RANBP17: variants seen among roughly 807,000 people sequenced by gnomAD.
The protein encoded by RANBP17 is ran-binding protein 17.
RANBP17 carries 158 observed loss-of-function variants against 141.2 expected under a neutral mutation model. The observed-to-expected ratio is 1.12, with a 90% CI of 0.98 to 1.28. The LOEUF is 1.28. Ranked by LOEUF, RANBP17 falls within the 50% of genes most tolerant of loss-of-function variation. The pLI is 0.00. For synonymous variants in RANBP17, 430 were observed against 450.0 expected, an observed-to-expected ratio of 0.96 and a Z score of 0.56; for missense variants, 1,438 against 1,290.7, an observed-to-expected ratio of 1.11 and a Z score of -1.75.
chr5:171,027,102 A>G (rs1471524457), intron 14 of RANBP17, among the ~76,000 whole-genome samples: 1 of 152,168 alleles, frequency 6.6e-6, no homozygotes, highest in Non-Finnish European at 1.5e-5. Context: ...GTCCAGGGAA[A>G]AATTTGGTCC....
intron 14 of RANBP17, chr5:171,143,528 C>T (rs1217487127): frequency 6.6e-6 from 1 of 152,078 alleles, no homozygotes; most frequent in African/African-American, 2.4e-5. Context: ...TCACCATTTC[C>T]TGATTTTACA....
intron 24 of RANBP17, 87 bp downstream of exon 24, chr5:171,242,907 A>C (rs1219522880): frequency 8.2e-7 from 1 of 1,218,898 alleles, no homozygotes; most frequent in African/African-American, 1.5e-5. Context: ...ATCATCCTAC[A>C]AAGGGGGAAA....
intron 4 of RANBP17, among the ~76,000 whole-genome samples, chr5:170,893,610 G>T (rs985893868): frequency 6.6e-6 from 1 of 151,918 alleles, no homozygotes; most frequent in African/African-American, 2.4e-5. Flanking sequence ...TGGCTAACAC[G>T]GTGAAACCCT....
chr5:171,017,680 A>G (rs1209948445), intron 14 of RANBP17, among the ~76,000 whole-genome samples: 4 of 152,190 alleles, frequency 2.6e-5, no homozygotes, highest in Non-Finnish European at 5.9e-5. Context: ...ATAGAACACA[A>G]AAATTTTCTC....
intron 8 of RANBP17, among the ~76,000 whole-genome samples, chr5:170,915,010 A>T (rs1324775536): frequency 6.6e-6 from 1 of 152,100 alleles, no homozygotes; most frequent in Non-Finnish European, 1.5e-5. Context: ...TGTCCTTTTT[A>T]AAAAAACATG....
intron 14 of RANBP17, among the ~76,000 whole-genome samples, chr5:171,000,461 G>A (rs563974733): frequency 3.3e-5 from 5 of 152,160 alleles, no homozygotes; most frequent in African/African-American, 9.7e-5. Context: ...CAAAAAAAAT[G>A]ATGTAGCTAT....
chr5:171,213,592 T>G (rs1440308529), intron 20 of RANBP17, 39 bp from the exon 21 acceptor site: 1 of 1,432,192 alleles, frequency 7.0e-7, no homozygotes, highest in East Asian at 2.3e-5. Flanking sequence ...AAACAGTATT[T>G]CTTTAGACCC....
intron 14 of RANBP17, among the ~76,000 whole-genome samples, chr5:171,097,916 T>C (rs888853558): frequency 1.3e-5 from 2 of 152,058 alleles, no homozygotes; most frequent in Non-Finnish European, 2.9e-5. Context: ...GTTAGTTTGC[T>C]GAGAATGATG....
At chr5:171,136,669 T>C (rs1395438277) in intron 14 of RANBP17, among the ~76,000 whole-genome samples, 1 of 152,222 alleles carries the variant, frequency 6.6e-6, no homozygotes, top group Non-Finnish European at 1.5e-5. Flanking sequence ...TATAGTCTTA[T>C]GAACTGGAGC....
At chr5:171,089,298 A>T (rs898597942) in intron 14 of RANBP17, among the ~76,000 whole-genome samples, 1 of 104,900 alleles carries the variant, frequency 9.5e-6, no homozygotes, top group African/African-American at 3.0e-5. Flanking sequence ...GACCCACTTG[A>T]GGAGGCAGTC....
chr5:171,001,888 G>A (rs1779222917), intron 14 of RANBP17, among the ~76,000 whole-genome samples: 1 of 152,102 alleles, frequency 6.6e-6, no homozygotes, highest in Non-Finnish European at 1.5e-5. Context: ...TATGGGAAAG[G>A]CCTCTACCCA....
intron 5 of RANBP17, among the ~76,000 whole-genome samples, chr5:170,901,437 T>C (rs2127403375): frequency 6.6e-6 from 1 of 152,344 alleles, no homozygotes; most frequent in Middle Eastern, 3.4e-3. Flanking sequence ...ATGGGTCTCC[T>C]GAATACAGCA....
intron 14 of RANBP17, among the ~76,000 whole-genome samples, chr5:171,094,191 A>G (rs1443218685): frequency 1.3e-5 from 2 of 152,182 alleles, no homozygotes; most frequent in Non-Finnish European, 1.5e-5. Context: ...TTTTTTATTC[A>G]ATGGAAGATA....
In RANBP17 at chr5:171,169,588, A is replaced by G. The variant is rs1394603181; in HGVS notation, c.1711-542A>G. ...TTGGGATTTCAGTGTCAACATGAAA[A>G]GTAAGACGTACCTGTATATTTGGGG... On this transcript the variant is annotated intron_variant, in intron 14 of 27. Coordinates refer to ENST00000523189, the MANE Select transcript of RANBP17 (RefSeq NM_022897.5). 2.0e-5 allele frequency among the ~76,000 whole-genome samples: 3 copies of G among 152,182 alleles called. No individual in the cohort carries two copies. In the East Asian group the frequency reaches 5.8e-4, roughly 29 times the overall value.
chr5:171,049,164 A>T (rs550709698), intron 14 of RANBP17, among the ~76,000 whole-genome samples: 9 of 152,148 alleles, frequency 5.9e-5, no homozygotes, highest in Non-Finnish European at 1.3e-4. Context: ...CTTTTTAATA[A>T]TAGTTACTCT....
At chr5:170,883,404 C>T (rs1281042916) in intron 3 of RANBP17, among the ~76,000 whole-genome samples, 1 of 152,176 alleles carries the variant, frequency 6.6e-6, no homozygotes, top group East Asian at 1.9e-4. Flanking sequence ...GCACCAAAGT[C>T]GTACATTTGT....
intron 14 of RANBP17, among the ~76,000 whole-genome samples, chr5:171,118,572 C>G (rs1317754710): frequency 1.3e-5 from 2 of 151,968 alleles, no homozygotes; most frequent in African/African-American, 4.8e-5. Context: ...CAGTTTCTTT[C>G]ATTTGTGTTT....
chr5:171,142,134 C>T (rs909620823), intron 14 of RANBP17, among the ~76,000 whole-genome samples: 10 of 152,208 alleles, frequency 6.6e-5, no homozygotes, highest in East Asian at 1.9e-4. Context: ...CTACCTGTTA[C>T]GGGCATGAGT....
intron 25 of RANBP17, among the ~76,000 whole-genome samples, chr5:171,275,368 A>C (rs938220695): frequency 6.6e-6 from 1 of 152,246 alleles, no homozygotes; most frequent in Non-Finnish European, 1.5e-5. Flanking sequence ...GTATCCAAGA[A>C]ATAACTGTCA....
Sources: allele counts gnomAD v4.1 joint callset (sites outside exome capture counted in the v4.1 genomes callset), GRCh38; gene constraint gnomAD v4.1.1; transcripts MANE v1.5; gene names NCBI Gene and HGNC (gene_info 2026-07-23, HGNC 2026-07-21).